Variants in PHKB observed in about 807,000 individuals in gnomAD.
The protein encoded by PHKB is phosphorylase kinase regulatory subunit beta.
A neutral mutation model predicts 152.1 loss-of-function variants in PHKB; 122 were observed. That is an observed-to-expected ratio of 0.80 (90% CI 0.69 to 0.93). PHKB has a LOEUF of 0.93. Ranked by LOEUF, PHKB falls within the 40% of genes least tolerant of loss-of-function variation. The probability of loss-of-function intolerance (pLI) is 0.00; values close to 1 mark genes in which losing one functional copy is unlikely to be tolerated. For synonymous variants in PHKB, 436 were observed against 464.9 expected, an observed-to-expected ratio of 0.94 and a Z score of 0.80; for missense variants, 1,304 against 1,328.4, an observed-to-expected ratio of 0.98 and a Z score of 0.29.
intron 12 of PHKB, among the ~76,000 whole-genome samples, chr16:47,594,975 T>C (rs1259472191): frequency 1.3e-5 from 2 of 152,218 alleles, no homozygotes; most frequent in Non-Finnish European, 2.9e-5. Context: ...TAATATTATA[T>C]GCTCACTAAC....
chr16:47,549,834 A>G (rs752518426), intron 7 of PHKB, among the ~76,000 whole-genome samples: 26 of 152,192 alleles, frequency 1.7e-4, no homozygotes, highest in Non-Finnish European at 3.7e-4. Context: ...CCTATAACTG[A>G]GGTGGCAGTC....
At chr16:47,546,941 G>T (rs1055001778) in intron 6 of PHKB, among the ~76,000 whole-genome samples, 1 of 152,128 alleles carries the variant, frequency 6.6e-6, no homozygotes, top group Non-Finnish European at 1.5e-5. Context: ...CTGGTGTGCC[G>T]TTTGCCAAGA....
chr16:47,686,839 A>C (rs1051627688), intron 26 of PHKB, among the ~76,000 whole-genome samples: 1 of 152,230 alleles, frequency 6.6e-6, no homozygotes, highest in Non-Finnish European at 1.5e-5. Flanking sequence ...CTAAAAAAGG[A>C]CATTATCTCA....
In PHKB at chr16:47,594,223, GT is replaced by G. The variant is rs761553427; in HGVS notation, c.1204+16del. The G allele has an allele frequency of 1.7e-5, 24 of 1,415,324 alleles. No individual in the cohort carries two copies. The highest frequency in any genetic ancestry group is 2.3e-5 in the Non-Finnish European group (23 of 999,638). 87.7% of individuals were successfully genotyped at this position (1,415,324 alleles called of 1,614,324 possible). On this transcript the variant is annotated intron_variant, in intron 12 of 30. Transcript: ENST00000323584. The stretch of plus-strand genomic sequence containing the variant: ...TCATCATACCACAGAAGGTATAGTT[GT>G]TTTTTTAAGAAATTCTTCCTACCAA...
chr16:47,615,400 G>C (rs897221683), intron 14 of PHKB, among the ~76,000 whole-genome samples: 4 of 152,224 alleles, frequency 2.6e-5, no homozygotes. Context: ...TTGTGAAGCA[G>C]AGGTTGGGTT....
chr16:47,665,727 C>A, intron 25 of PHKB: 1 of 611,570 alleles, frequency 1.6e-6, no homozygotes, highest in East Asian at 2.8e-5. Flanking sequence ...AGCTTGGTGG[C>A]AGGGATGAGG....
At chr16:47,474,310 T>C (rs1443746877) in intron 1 of PHKB, among the ~76,000 whole-genome samples, 1 of 152,186 alleles carries the variant, frequency 6.6e-6, no homozygotes, top group African/African-American at 2.4e-5. Flanking sequence ...AGGACTGAAA[T>C]AGGCACCAGC....
chr16:47,589,100 A>G lies in PHKB; in HGVS notation c.1066A>G (p.Lys356Glu). 6.2e-7 allele frequency: 1 copy of G among 1,605,676 alleles called. No homozygotes were observed. Among genetic ancestry groups the G allele is most frequent in the Non-Finnish European group, 8.5e-7 (1 of 1,172,680 alleles). ...NRCYYKPAEI[K>E]LFDGIECEFP... is the part of the protein sequence containing the mutation. ...ATGCTACTACAAGCCAGCTGAAATTAAGGTATTAAAAAATATTCCATGGTA... is the reference window on the plus strand; with the variant it reads ...ATGCTACTACAAGCCAGCTGAAATTGAGGTATTAAAAAATATTCCATGGTA... Residue 356 changes from lysine to glutamate, a missense_variant and splice_region_variant, in exon 10 of 31, where the codon AAG becomes GAG. Transcript: ENST00000323584.
chr16:47,663,784 T>A (rs183762798), intron 24 of PHKB, 50 bp downstream of exon 24: 1 of 1,051,574 alleles, frequency 9.5e-7, no homozygotes, highest in Non-Finnish European at 1.5e-6. Context: ...GTTGTTATAT[T>A]CGATAGCCTA....
intron 1 of PHKB, chr16:47,463,969 C>G (rs1969621954): frequency 6.2e-7 from 1 of 1,613,454 alleles, no homozygotes; most frequent in Admixed American, 1.7e-5. Context: ...AGTCGTCTCT[C>G]CGTCTTCCGC....
At chr16:47,481,121 A>G (rs1006841299) in intron 1 of PHKB, among the ~76,000 whole-genome samples, 1 of 152,228 alleles carries the variant, frequency 6.6e-6, no homozygotes. Context: ...TCCCACAGAG[A>G]CAGCATGGTT....
At position 47,664,075 on chromosome 16, in the gene PHKB, G is replaced by A. The variant is rs1597161085; in HGVS notation, c.2336+341G>A. On this transcript the variant is annotated intron_variant, in intron 24 of 30. Transcript: ENST00000323584. The stretch of plus-strand genomic sequence containing the variant: ...GAAACCTGTTCTGCTATTATAGAAG[G>A]CCATGAAAAGAGACCAGTGATTTAT... 4.7e-5 allele frequency: 13 copies of A among 276,006 alleles called. No homozygotes were observed. The South Asian group carries it at 7.1e-4, about 15-fold the overall frequency. 17.1% of individuals were successfully genotyped at this position (276,006 alleles called of 1,614,324 possible).
chr16:47,627,043 A>AGGG (rs1972723254), intron 14 of PHKB, among the ~76,000 whole-genome samples: 1 of 152,198 alleles, frequency 6.6e-6, no homozygotes, highest in South Asian at 2.1e-4. Flanking sequence ...GTTTACCACT[A>AGGG]GGGACCTTTC....
At chr16:47,676,424 A>G (rs1973733433) in intron 26 of PHKB, 1 of 152,196 alleles carries the variant, frequency 6.6e-6, no homozygotes, top group African/African-American at 2.4e-5. Flanking sequence ...TTTTGATACC[A>G]TATTCTTCTT....
intron 26 of PHKB, 67 bp from the exon 27 acceptor site, chr16:47,688,974 C>A: frequency 1.3e-6 from 2 of 1,563,878 alleles, no homozygotes; most frequent in Non-Finnish European, 1.8e-6. Context: ...AAGGGCATTG[C>A]TGAGAGAAGC....
At chr16:47,527,560 A>G (rs529378940) in intron 6 of PHKB, among the ~76,000 whole-genome samples, 6 of 152,238 alleles carry the variant, frequency 3.9e-5, no homozygotes, top group Admixed American at 3.9e-4. Flanking sequence ...GTGCACGGCA[A>G]TAAATTTTAA....
chr16:47,542,612 T>C (rs1164303327), intron 6 of PHKB, among the ~76,000 whole-genome samples: 4 of 152,212 alleles, frequency 2.6e-5, no homozygotes, highest in African/African-American at 9.6e-5. Context: ...TTTCACAATA[T>C]TGATTCTTCC....
At chr16:47,607,444 T>A (rs1972346631) in intron 13 of PHKB, among the ~76,000 whole-genome samples, 1 of 152,232 alleles carries the variant, frequency 6.6e-6, no homozygotes, top group Non-Finnish European at 1.5e-5. Context: ...AATGGACCTT[T>A]GTGTCTGGCT....
intron 14 of PHKB, among the ~76,000 whole-genome samples, chr16:47,616,614 A>C (rs1242962949): frequency 1.4e-5 from 2 of 146,636 alleles, no homozygotes; most frequent in African/African-American, 2.5e-5. Context: ...TTTACATATA[A>C]ATATCATATA....
Sources: allele counts gnomAD v4.1 joint callset (sites outside exome capture counted in the v4.1 genomes callset), GRCh38; gene constraint gnomAD v4.1.1; transcripts MANE v1.5; gene names NCBI Gene and HGNC (gene_info 2026-07-23, HGNC 2026-07-21).